Variants in ACVR1C observed in about 807,000 individuals in gnomAD.
ACVR1C encodes activin A receptor type 1C.
A neutral mutation model predicts 57.9 loss-of-function variants in ACVR1C; 23 were observed. The ratio of observed to expected loss-of-function variants is 0.40; its 90% CI spans 0.29 to 0.56. The LOEUF is 0.56. ACVR1C is among the 20% of genes least tolerant of loss of function. ACVR1C has a pLI of 0.50. For synonymous variants in ACVR1C, 214 were observed against 215.3 expected (o/e 0.99, Z 0.05); for missense variants, 480 against 607.9 (o/e 0.79, Z 2.21).
intron 1 of ACVR1C, among the ~76,000 whole-genome samples, chr2:157,617,434 C>A (rs564628701): frequency 3.1e-4 from 47 of 152,136 alleles, no homozygotes; most frequent in South Asian, 6.2e-4. Context: ...ATACACCCAA[C>A]AGCCAAAACT....
At chr2:157,599,149 A>T (rs1413237132) in intron 1 of ACVR1C, among the ~76,000 whole-genome samples, 1 of 151,784 alleles carries the variant, frequency 6.6e-6, no homozygotes, top group Non-Finnish European at 1.5e-5. Context: ...CCTGGCTAAC[A>T]CAGTGAAACC....
rs1160149615 is a variant in ACVR1C, at chr2:157,529,966, T to C, written c.*3952A>G. The C allele has an allele frequency of 6.6e-6, 1 of 152,068 alleles. No individual in the cohort carries two copies. Among genetic ancestry groups the C allele is most frequent in the African/African-American group, 2.4e-5 (1 of 41,444 alleles). 9.4% of individuals were successfully genotyped at this position (152,068 alleles called of 1,614,324 possible). On this transcript the variant is annotated 3_prime_UTR_variant, in exon 9 of 9. Transcript: ENST00000243349. The stretch of plus-strand genomic sequence containing the variant: ...TCTCAAGATAAAAGAATTACTGTTT[T>C]CACTAAAATAGCAGAAAAACTCCAT...
At chr2:157,543,899 G>A (rs1412250476) in intron 5 of ACVR1C, among the ~76,000 whole-genome samples, 1 of 151,968 alleles carries the variant, frequency 6.6e-6, no homozygotes, top group South Asian at 2.1e-4. Flanking sequence ...ATGCTAAATG[G>A]CAAAGATAGA....
At chr2:157,545,888 C>T (rs1437957680) in intron 4 of ACVR1C, among the ~76,000 whole-genome samples, 1 of 152,146 alleles carries the variant, frequency 6.6e-6, no homozygotes, top group African/African-American at 2.4e-5. Context: ...AATTCTCCTG[C>T]CCCCACCTCC....
chr2:157,537,864 A>G (rs546579664), intron 8 of ACVR1C, among the ~76,000 whole-genome samples: 62 of 152,310 alleles, frequency 4.1e-4, no homozygotes, highest in African/African-American at 1.5e-3. Context: ...ATAACCACTT[A>G]CTATTTGTCT....
At chr2:157,575,607 A>G (rs1375730345) in intron 2 of ACVR1C, among the ~76,000 whole-genome samples, 4 of 152,180 alleles carry the variant, frequency 2.6e-5, no homozygotes, top group African/African-American at 9.7e-5. Flanking sequence ...AAAGTCCTCC[A>G]AACACTGCCA....
intron 1 of ACVR1C, among the ~76,000 whole-genome samples, chr2:157,613,718 A>T (rs371248480): frequency 1.3e-5 from 2 of 152,226 alleles, no homozygotes; most frequent in Non-Finnish European, 2.9e-5. Context: ...CAAACTCCAC[A>T]AGAAAATAAT....
At chr2:157,605,419 G>A (rs188335942) in intron 1 of ACVR1C, among the ~76,000 whole-genome samples, 7 of 151,656 alleles carry the variant, frequency 4.6e-5, no homozygotes, top group South Asian at 2.1e-4. Flanking sequence ...TGAATTCTAC[G>A]TAAATTCCTG....
At chr2:157,597,363 G>T in intron 1 of ACVR1C, 1 of 985,562 alleles carries the variant, frequency 1.0e-6, no homozygotes, top group Non-Finnish European at 1.2e-6. Flanking sequence ...CCCTTGCCTG[G>T]ACTTGCAGGT....
chr2:157,617,930 A>C (rs530554511), intron 1 of ACVR1C, among the ~76,000 whole-genome samples: 2 of 151,914 alleles, frequency 1.3e-5, no homozygotes, highest in Non-Finnish European at 2.9e-5. Flanking sequence ...GCAAAATCAA[A>C]CTTTCCCTAA....
At chr2:157,534,459 T>C (rs577287343) in intron 8 of ACVR1C, among the ~76,000 whole-genome samples, 1 of 152,270 alleles carries the variant, frequency 6.6e-6, no homozygotes, top group South Asian at 2.1e-4. Context: ...CACTGATTTC[T>C]GGGAATATGG....
chr2:157,553,231 A>C (rs1047576313), intron 3 of ACVR1C, among the ~76,000 whole-genome samples: 1 of 152,108 alleles, frequency 6.6e-6, no homozygotes, highest in Non-Finnish European at 1.5e-5. Context: ...CTGAAGCCTC[A>C]CTGCGGATAC....
At position 157,534,054 on chromosome 2, in the gene ACVR1C, G is replaced by GAAA; in HGVS notation, c.1357-14_1357-12dup. The GAAA allele has an allele frequency of 1.4e-6, 2 of 1,384,588 alleles. No individual in the cohort carries two copies. The highest frequency in any genetic ancestry group is 1.9e-6 in the Non-Finnish European group (2 of 1,056,452). The allele number at this position is 1,384,588 out of a possible 1,614,324, so 85.8% of individuals were successfully genotyped here. On this transcript the variant is annotated splice_polypyrimidine_tract_variant and intron_variant, in intron 8 of 8. Transcript: ENST00000243349. ...CATGACTCGGAGTGCCTTTAAGAGA[G>GAAA]AAAAAAAAAATCAAAGACTTTAGCT...
intron 2 of ACVR1C, among the ~76,000 whole-genome samples, chr2:157,561,466 T>G (rs1160151815): frequency 3.9e-5 from 6 of 152,180 alleles, no homozygotes; most frequent in Non-Finnish European, 1.5e-5. Flanking sequence ...CGTGATGATG[T>G]TCTGTCCATC....
In ACVR1C at chr2:157,531,441, T is replaced by C. The variant is rs746028759; in HGVS notation, c.*2477A>G. ...TTCTTCAGAGTGAAAGTTGAACCAA[T>C]AAAATATGAAATTATATTTAGACAC... On this transcript the variant is annotated 3_prime_UTR_variant, in exon 9 of 9. Coordinates refer to ENST00000243349, the MANE Select transcript of ACVR1C (RefSeq NM_145259.3). The C allele has an allele frequency of 6.6e-6, 1 of 151,854 alleles. No individual in the cohort carries two copies. The highest frequency in any genetic ancestry group is 1.5e-5 in the Non-Finnish European group (1 of 67,896). 9.4% of individuals were successfully genotyped at this position (151,854 alleles called of 1,614,324 possible). A position where few individuals can be genotyped will look rare whatever the true frequency, so the allele number is the denominator to read the frequency against.
rs151084182 is a variant in ACVR1C at position 157,603,883 on chromosome 2, A to G, written c.74-16466T>C. 7.3e-3 allele frequency among the ~76,000 whole-genome samples: 1,114 copies of G among 152,226 alleles called. 15 individuals are homozygous for G. Among genetic ancestry groups the G allele is most frequent in the African/African-American group, 0.026 (1,061 of 41,556 alleles). On this transcript the variant is annotated intron_variant, in intron 1 of 8. Transcript: ENST00000243349. ...TTATTTGTAATTTTAAAATATGTCT[A>G]TTGAATTAATGTTATAACTGCATAT...
chr2:157,550,016 A>G, intron 4 of ACVR1C, 146 bp downstream of exon 4: 1 of 747,514 alleles, frequency 1.3e-6, no homozygotes, highest in Non-Finnish European at 2.1e-6. Context: ...AAAAAAAAAA[A>G]AGAAAGAAAA....
intron 1 of ACVR1C, among the ~76,000 whole-genome samples, chr2:157,618,609 A>C (rs1483557226): frequency 6.6e-6 from 1 of 151,810 alleles, no homozygotes; most frequent in Non-Finnish European, 1.5e-5. Context: ...GAAAATTTAT[A>C]ATATGTAGAC....
chr2:157,627,055 C>T (rs912728485), intron 1 of ACVR1C, among the ~76,000 whole-genome samples: 1 of 152,102 alleles, frequency 6.6e-6, no homozygotes, highest in African/African-American at 2.4e-5. Flanking sequence ...GGGTATACAA[C>T]AAAATATACC....
Sources: allele counts gnomAD v4.1 joint callset (sites outside exome capture counted in the v4.1 genomes callset), GRCh38; gene constraint gnomAD v4.1.1; transcripts MANE v1.5; gene names NCBI Gene and HGNC (gene_info 2026-07-23, HGNC 2026-07-21).